The following SLC36A1 variants were observed in gnomAD, a reference collection of about 807,000 sequenced individuals.
The protein encoded by SLC36A1 is proton-coupled amino acid transporter 1.
A neutral mutation model predicts 47.5 loss-of-function variants in SLC36A1; 30 were observed. The ratio of observed to expected loss-of-function variants is 0.63; its 90% CI spans 0.47 to 0.86. The LOEUF (loss-of-function observed/expected upper bound fraction) is 0.86. SLC36A1 is among the 40% of genes least tolerant of loss of function. The probability of loss-of-function intolerance (pLI) is 0.00; values close to 1 mark genes in which losing one functional copy is unlikely to be tolerated. For missense variants in SLC36A1, 517 were observed against 606.0 expected (o/e 0.85, Z 1.54); for synonymous variants, 255 against 249.7 (o/e 1.02, Z -0.20).
chr5:151,456,951 T>C (rs1229741436), intron 1 of SLC36A1, among the ~76,000 whole-genome samples: 1 of 152,066 alleles, frequency 6.6e-6, no homozygotes, highest in East Asian at 1.9e-4. Flanking sequence ...GGAGGTCCTG[T>C]CTCCTCTCAA....
At position 151,476,601 on chromosome 5, in the gene SLC36A1, G is replaced by A. The variant is rs1758086420; in HGVS notation, c.834G>A (p.Leu278=). The part of the protein sequence containing the change: ...SFEGIGMVLP[L]ENKMKDPRKF... ...CTACTCTCTCATAGGTTCTGCCCCT[G>A]GAAAACAAAATGAAGGATCCTCGGA... Residue 278 remains leucine, a synonymous_variant, in exon 9 of 11, where the codon CTG becomes CTA. Transcript: ENST00000243389. The A allele has an allele frequency of 6.3e-7, 1 of 1,588,380 alleles. No homozygotes were observed. Among genetic ancestry groups the A allele is most frequent in the Non-Finnish European group, 8.6e-7 (1 of 1,168,064 alleles).
At chr5:151,446,108 C>A (rs898415998), upstream of SLC36A1, among the ~76,000 whole-genome samples, 19 of 152,116 alleles carry the variant, frequency 1.2e-4, no homozygotes, top group African/African-American at 3.6e-4. Context: ...GCATTTATTG[C>A]TATAAACTTC....
At chr5:151,421,301 G>A in the SLC36A1 span, among the ~76,000 whole-genome samples, 14 of 149,648 alleles carry the variant, frequency 9.4e-5, no homozygotes, top group African/African-American at 3.5e-4. Flanking sequence ...GAGTGTGGTG[G>A]CATGATCTTG....
At position 151,489,021 on chromosome 5, in the gene SLC36A1, C is replaced by A. The variant is rs1441739996; in HGVS notation, c.*767C>A. ...CTGGGGCTATTACGAATCACTTCTTCTTCAGTAAACTTTGACTCAACTTCT... is the reference window on the plus strand; with the variant it reads ...CTGGGGCTATTACGAATCACTTCTTATTCAGTAAACTTTGACTCAACTTCT... On this transcript the variant is annotated 3_prime_UTR_variant, in exon 11 of 11. Transcript: ENST00000243389. The surrounding 1 kb of genome is among the most constrained non-coding windows in gnomAD (Gnocchi z 4.5). 3.9e-5 allele frequency: 6 copies of A among 151,960 alleles called. No individual in the cohort carries two copies. Among genetic ancestry groups the A allele is most frequent in the Admixed American group, 6.6e-5 (1 of 15,254 alleles). 9.4% of individuals were successfully genotyped at this position (151,960 alleles called of 1,614,324 possible). A position where few individuals can be genotyped will look rare whatever the true frequency, so the allele number is the denominator to read the frequency against.
At chr5:151,495,573 T>A (rs1215657478), downstream of SLC36A1, among the ~76,000 whole-genome samples, 1 of 152,172 alleles carries the variant, frequency 6.6e-6, no homozygotes. Context: ...AATGTTATCA[T>A]GAGTAGCTTT....
At chr5:151,514,320 C>G in the SLC36A1 span, among the ~76,000 whole-genome samples, 1 of 152,146 alleles carries the variant, frequency 6.6e-6, no homozygotes, top group African/African-American at 2.4e-5. Context: ...TTGATCCCAC[C>G]GTCTTTTCAT....
At chr5:151,382,457 C>G in the SLC36A1 span, 1 of 564,810 alleles carries the variant, frequency 1.8e-6, no homozygotes, top group Non-Finnish European at 3.1e-6. Flanking sequence ...AGCATAGAAG[C>G]AAGGAATCAA....
chr5:151,402,911 C>T, the SLC36A1 span, among the ~76,000 whole-genome samples: 1 of 152,072 alleles, frequency 6.6e-6, no homozygotes, highest in Non-Finnish European at 1.5e-5. Context: ...CATTATTAAT[C>T]TTGCTAGTGG....
chr5:151,464,738 G>A (rs1756085920), intron 4 of SLC36A1, 136 bp downstream of exon 4: 7 of 756,142 alleles, frequency 9.3e-6, no homozygotes, highest in East Asian at 2.7e-5. Flanking sequence ...TGATTGCAGC[G>A]TTTTCCTTTC....
At chr5:151,417,975 G>A in the SLC36A1 span, among the ~76,000 whole-genome samples, 3 of 152,238 alleles carry the variant, frequency 2.0e-5, no homozygotes, top group African/African-American at 7.2e-5. Context: ...AGACTTGGTG[G>A]CCTGCACCCC....
At chr5:151,365,458 A>G in the SLC36A1 span, among the ~76,000 whole-genome samples, 3 of 152,220 alleles carry the variant, frequency 2.0e-5, no homozygotes, top group Non-Finnish European at 2.9e-5. Context: ...CAAAGTCACA[A>G]TTGGCCCCAC....
At chr5:151,388,501 CAAAAGAA>C in the SLC36A1 span, among the ~76,000 whole-genome samples, 2 of 90,778 alleles carry the variant, frequency 2.2e-5, no homozygotes, top group African/African-American at 1.1e-4. Flanking sequence ...AACTCCATCT[CAAAAGAA>C]AAAAAAAAAA....
At chr5:151,357,434 G>T in the SLC36A1 span, among the ~76,000 whole-genome samples, 1 of 152,224 alleles carries the variant, frequency 6.6e-6, no homozygotes, top group Non-Finnish European at 1.5e-5. Context: ...AGGAGATTTT[G>T]TGGACTTTTA....
At chr5:151,505,764 C>T in the SLC36A1 span, 1 of 1,614,034 alleles carries the variant, frequency 6.2e-7, no homozygotes, top group Middle Eastern at 1.6e-4. Flanking sequence ...CCCTCCCCCT[C>T]CCTGCCGGAA....
the SLC36A1 span, chr5:151,543,211 A>C: frequency 6.2e-7 from 1 of 1,614,164 alleles, no homozygotes; most frequent in Non-Finnish European, 8.5e-7. Flanking sequence ...CACACCAGTG[A>C]CTGGGTTAAT....
chr5:151,479,560 A>G, intron 10 of SLC36A1, 71 bp downstream of exon 10: 3 of 1,547,440 alleles, frequency 1.9e-6, no homozygotes, highest in Middle Eastern at 2.2e-4. Flanking sequence ...CTTTCATGAG[A>G]AAAGACAATG....
At chr5:151,477,313 T>C (rs1410956863) in intron 9 of SLC36A1, 1 of 180,462 alleles carries the variant, frequency 5.5e-6, no homozygotes, top group Non-Finnish European at 1.2e-5. Context: ...ATGAATCATC[T>C]CATGGTGGAG....
rs1759991968 is a variant in SLC36A1 at position 151,490,172 on chromosome 5, C to T, written c.*1918C>T. 6.6e-6 allele frequency: 1 copy of T among 152,228 alleles called. No homozygotes were observed. Among genetic ancestry groups the T allele is most frequent in the Non-Finnish European group, 1.5e-5 (1 of 68,050 alleles). The allele number at this position is 152,228 out of a possible 1,614,324, so 9.4% of individuals were successfully genotyped here. A position where few individuals can be genotyped will look rare whatever the true frequency, so the allele number is the denominator to read the frequency against. ...CCTTAGGAGAAGGACGATTTTCACC[C>T]ACCCTTTCTGTTCTATGGTGGACTC... is the stretch of plus-strand genomic sequence containing the variant. On this transcript the variant is annotated 3_prime_UTR_variant, in exon 11 of 11. Transcript: ENST00000243389.
the SLC36A1 span, among the ~76,000 whole-genome samples, chr5:151,377,322 A>C: frequency 1.4e-5 from 2 of 148,128 alleles, no homozygotes; most frequent in Non-Finnish European, 1.5e-5. Flanking sequence ...GAAGTCCCCC[A>C]CTATTATTGT....
Sources: allele counts gnomAD v4.1 joint callset (sites outside exome capture counted in the v4.1 genomes callset), GRCh38; gene constraint gnomAD v4.1.1; non-coding constraint Gnocchi (gnomAD v3.1); transcripts MANE v1.5; gene names NCBI Gene and HGNC (gene_info 2026-07-23, HGNC 2026-07-21).